SERPINC1: variants seen among roughly 807,000 people sequenced by gnomAD.
SERPINC1 encodes the protein antithrombin-III.
A neutral mutation model predicts 43.4 loss-of-function variants in SERPINC1; 12 were observed. The ratio of observed to expected loss-of-function variants is 0.28; its 90% CI spans 0.18 to 0.45. The LOEUF (loss-of-function observed/expected upper bound fraction) is 0.45, where lower values mean the gene tolerates loss of function less well. Among genes scored for constraint, SERPINC1 ranks in the 20% least tolerant of loss-of-function variants. The pLI is 1.00. For synonymous variants in SERPINC1, 210 were observed against 218.9 expected, an observed-to-expected ratio of 0.96 and a Z score of 0.36; for missense variants, 423 against 578.8, an observed-to-expected ratio of 0.73 and a Z score of 2.76.
chr1:173,914,076 T>TC (rs1657886525), intron 2 of SERPINC1, among the ~76,000 whole-genome samples: 1 of 115,662 alleles, frequency 8.6e-6, no homozygotes, highest in Non-Finnish European at 1.6e-5. Flanking sequence ...AGATTCCATC[T>TC]CAAAAAAAAA....
chr1:173,915,017 C>T lies in SERPINC1; in HGVS notation c.42-98G>A. 24 of 1,544,264 alleles carry T rather than the reference C, an allele frequency of 1.6e-5. 1 individual carries two copies. The Middle Eastern group carries it at 1.1e-3, about 68-fold the overall frequency. ...CAGTAAAGCAGAGGATTCCAGCCCA[C>T]CTGGTGTGGCCAAGAGAAAGGCTAA... On this transcript the variant is annotated intron_variant, in intron 1 of 6. Coordinates refer to ENST00000367698, the MANE Select transcript of SERPINC1 (RefSeq NM_000488.4).
chr1:173,908,642 C>T (rs866160194), intron 5 of SERPINC1, among the ~76,000 whole-genome samples: 11 of 152,140 alleles, frequency 7.2e-5, no homozygotes, highest in Middle Eastern at 3.4e-3. Flanking sequence ...TACACCACAG[C>T]GTTGACCTCC....
At chr1:173,909,257 T>G (rs545228512) in intron 5 of SERPINC1, among the ~76,000 whole-genome samples, 3 of 152,296 alleles carry the variant, frequency 2.0e-5, no homozygotes, top group Admixed American at 6.5e-5. Context: ...TGCTCTGAAT[T>G]CCAATGCCCT....
At position 173,914,616 on chromosome 1, in the gene SERPINC1, G is replaced by A. The variant is rs374763537; in HGVS notation, c.345C>T (p.Ile115=). 19 of 1,614,096 alleles carry A rather than the reference G, an allele frequency of 1.2e-5. No individual in the cohort carries two copies. Among genetic ancestry groups the A allele is most frequent in the African/African-American group, 4.0e-5 (3 of 74,926 alleles). The change falls in exon 2 of 7, where the codon ATC becomes ATT. Residue 115 remains isoleucine, a synonymous_variant. Transcript: ENST00000367698. ...GCTTGGTCATAGCAAAAGCCGTGGA[G>A]ATACTCAGGGGTGACAGGAAAATGT... ...NDNIFLSPLS[I]STAFAMTKLG... is the part of the protein sequence containing the mutation.
chr1:173,914,480 A>G (rs1657903110), intron 2 of SERPINC1, 73 bp downstream of exon 2: 7 of 1,585,796 alleles, frequency 4.4e-6, no homozygotes, highest in Non-Finnish European at 6.1e-6. Context: ...TTGAGGAATC[A>G]TTGGACTTGG....
rs483352855 is a variant in SERPINC1 at position 173,909,669 on chromosome 1, TCTC to T, written c.1033_1035del (p.Glu345del). 1 of 1,613,760 alleles carries T rather than the reference TCTC, an allele frequency of 6.2e-7. No homozygotes were observed. The highest frequency in any genetic ancestry group is 8.5e-7 in the Non-Finnish European group (1 of 1,179,704). ...CGGGGCATGTGGACCACCAGCATCA[TCTC>T]CTCCAATTCATCCAGCCACTCTTGC... On this transcript the variant is annotated inframe_deletion, in exon 5 of 7. Coordinates refer to ENST00000367698, the MANE Select transcript of SERPINC1 (RefSeq NM_000488.4).
intron 1 of SERPINC1, among the ~76,000 whole-genome samples, 187 bp downstream of exon 1, chr1:173,917,032 G>T (rs1429021631): frequency 6.6e-5 from 10 of 152,112 alleles, no homozygotes; most frequent in Admixed American, 5.9e-4. Flanking sequence ...GCTTAGGAAA[G>T]GCCTTACCCC....
Position 173,903,990 on chromosome 1 carries a change from C to T in SERPINC1, c.1294G>A (p.Val432Met). 6.2e-7 allele frequency: 1 copy of T among 1,614,202 alleles called. No individual in the cohort carries two copies. ...IAGRSLNPNR[V>M]TFKANRPFLV... ...AAAGGCCTGTTGGCCTTGAAAGTCA[C>T]CCTGTTGGGGTTTAGCGAACGGCCA... is the stretch of plus-strand genomic sequence containing the variant. The change falls in exon 7 of 7, where the codon GTG becomes ATG. Residue 432 changes from valine to methionine, a missense_variant. Val to Met is a conservative substitution (Grantham distance 21). Transcript: ENST00000367698.
At chr1:173,908,752 A>G (rs1377883489) in intron 5 of SERPINC1, among the ~76,000 whole-genome samples, 6 of 151,950 alleles carry the variant, frequency 3.9e-5, no homozygotes, top group South Asian at 2.1e-4. Context: ...TGTAGAGACC[A>G]TCTCACTATG....
chr1:173,904,998 G>C (rs1483033877), intron 6 of SERPINC1, among the ~76,000 whole-genome samples: 1 of 152,094 alleles, frequency 6.6e-6, no homozygotes, highest in Admixed American at 6.5e-5. Flanking sequence ...TAAGAACCAT[G>C]GAAAAATCTT....
rs1436543406 is a variant in SERPINC1 at position 173,917,305 on chromosome 1, C to G, written c.-46G>C. The G allele has an allele frequency of 1.3e-6, 2 of 1,582,106 alleles. No individual in the cohort carries two copies. Among genetic ancestry groups the G allele is most frequent in the Non-Finnish European group, 1.7e-6 (2 of 1,151,228 alleles). ...GCTGGGCAAGTGGAGATAGTGTGAT[C>G]TGAGGCAATCCGCCTGAAAACTGGT... On this transcript the variant is annotated 5_prime_UTR_variant, in exon 1 of 7. Transcript: ENST00000367698.
intron 5 of SERPINC1, among the ~76,000 whole-genome samples, chr1:173,908,269 C>A (rs537706181): frequency 6.6e-6 from 1 of 151,672 alleles, no homozygotes; most frequent in Non-Finnish European, 1.5e-5. Context: ...GCAGGTAGAT[C>A]GCCTGAGGTC....
intron 3 of SERPINC1, 28 bp downstream of exon 3, chr1:173,911,771 G>T: frequency 6.4e-7 from 1 of 1,557,390 alleles, no homozygotes; most frequent in Non-Finnish European, 8.9e-7. Context: ...GAAGAACTCG[G>T]AGGTCAGGGG....
At chr1:173,906,561 TCATC>T (rs1657521997) in intron 6 of SERPINC1, among the ~76,000 whole-genome samples, 1 of 152,164 alleles carries the variant, frequency 6.6e-6, no homozygotes, top group Non-Finnish European at 1.5e-5. Context: ...CATTTGCTCT[TCATC>T]CATTACAATT....
chr1:173,915,078 T>C, intron 1 of SERPINC1, 159 bp from the exon 2 acceptor site: 1 of 1,505,374 alleles, frequency 6.6e-7, no homozygotes, highest in South Asian at 1.3e-5. Context: ...CGGGACAGGT[T>C]CAGTCCTAGA....
At chr1:173,913,820 G>A (rs1052489474) in intron 2 of SERPINC1, among the ~76,000 whole-genome samples, 41 of 147,592 alleles carry the variant, frequency 2.8e-4, no homozygotes, top group Admixed American at 1.4e-4. Flanking sequence ...GTGCCACTGC[G>A]CTCCAGCCTG....
chr1:173,906,501 C>A (rs1328710883), intron 6 of SERPINC1, among the ~76,000 whole-genome samples: 2 of 152,192 alleles, frequency 1.3e-5, no homozygotes, highest in Admixed American at 6.5e-5. Flanking sequence ...CTAGTTGGAG[C>A]ACACTTTAAG....
chr1:173,909,099 G>A (rs1043295226), intron 5 of SERPINC1, among the ~76,000 whole-genome samples: 5 of 152,128 alleles, frequency 3.3e-5, no homozygotes, highest in Non-Finnish European at 5.9e-5. Context: ...GGAGGCAGAG[G>A]TTGCAGTGAG....
Position 173,917,311 on chromosome 1 carries a change from C to A in SERPINC1, c.-52G>T, listed in dbSNP as rs1409989143. ...CAAGTGGAGATAGTGTGATCTGAGG[C>A]AATCCGCCTGAAAACTGGTTCTTTC... On this transcript the variant is annotated 5_prime_UTR_variant, in exon 1 of 7. Transcript: ENST00000367698. 6.4e-7 allele frequency: 1 copy of A among 1,566,260 alleles called. No homozygotes were observed. The highest frequency in any genetic ancestry group is 8.8e-7 in the Non-Finnish European group (1 of 1,137,096).
Sources: allele counts gnomAD v4.1 joint callset (sites outside exome capture counted in the v4.1 genomes callset), GRCh38; gene constraint gnomAD v4.1.1; transcripts MANE v1.5; gene names NCBI Gene and HGNC (gene_info 2026-07-23, HGNC 2026-07-21).